SENP3: variants seen among roughly 807,000 people sequenced by gnomAD.
SENP3 encodes SUMO specific peptidase 3.
In SENP3, 11 loss-of-function variants were observed where a neutral mutation model predicts 66.2. That is an observed-to-expected ratio of 0.17 (90% CI 0.10 to 0.28). The LOEUF (loss-of-function observed/expected upper bound fraction) is 0.28. Ranked by LOEUF, SENP3 falls within the 10% of genes least tolerant of loss-of-function variation. SENP3 has a pLI of 1.00. For missense variants in SENP3, 548 were observed against 743.7 expected (o/e 0.74, Z 3.06); for synonymous variants, 292 against 277.6 (o/e 1.05, Z -0.52).
intron 3 of SENP3, 33 bp from the exon 4 acceptor site, chr17:7,564,925 AG>A (rs750590087): frequency 6.2e-7 from 1 of 1,609,370 alleles, no homozygotes; most frequent in Non-Finnish European, 8.5e-7. Flanking sequence ...GAGAGTCTGG[AG>A]GCCTCACCCC....
Position 7,570,265 on chromosome 17 carries a change from C to G in SENP3, c.1342-91C>G. The G allele has an allele frequency of 2.7e-6, 4 of 1,491,526 alleles. No individual in the cohort carries two copies. In the Middle Eastern group the frequency reaches 5.3e-4, roughly 197 times the overall value. 92.4% of individuals were successfully genotyped at this position (1,491,526 alleles called of 1,614,324 possible). A position where few individuals can be genotyped will look rare whatever the true frequency, so the allele number is the denominator to read the frequency against. On this transcript the variant is annotated intron_variant, in intron 7 of 10. Coordinates refer to ENST00000321337, the MANE Select transcript of SENP3 (RefSeq NM_015670.6). The surrounding 1 kb of genome is among the most constrained non-coding windows in gnomAD (Gnocchi z 5.4). ...GTCTTCTGTTCTTTCACTTGGTTCC[C>G]TTACCTGTGTCTCTGTTCCTCTCTA...
At chr17:7,566,803 C>G (rs534308232) in intron 6 of SENP3, 124 bp from the exon 7 acceptor site, 2 of 737,220 alleles carry the variant, frequency 2.7e-6, no homozygotes, top group Non-Finnish European at 4.6e-6. Context: ...GACCCTGTCT[C>G]TACCAAAAAA....
chr17:7,563,682 T>G lies in SENP3; in HGVS notation c.606T>G (p.Ala202=). The part of the protein sequence containing the change: ...PPPPRLGLLG[A]LMAEDGVRGS... ...CACCCCGGCTGGGTCTGCTAGGTGC[T>G]CTCATGGCTGAGGATGGGGTGAGAG... The change falls in exon 2 of 11, where the codon GCT becomes GCG. Residue 202 remains alanine, a synonymous_variant. Coordinates refer to ENST00000321337, the MANE Select transcript of SENP3 (RefSeq NM_015670.6). 6.2e-7 allele frequency: 1 copy of G among 1,612,882 alleles called. No homozygotes were observed. The highest frequency in any genetic ancestry group is 8.5e-7 in the Non-Finnish European group (1 of 1,179,732).
In SENP3 at chr17:7,571,739, A is replaced by G. The variant is rs1597843545; in HGVS notation, c.*256A>G. 3.3e-6 allele frequency: 1 copy of G among 300,794 alleles called. No individual in the cohort carries two copies. The highest frequency in any genetic ancestry group is 8.6e-5 in the East Asian group (1 of 11,682). The allele number at this position is 300,794 out of a possible 1,614,324, so 18.6% of individuals were successfully genotyped here. A position where few individuals can be genotyped will look rare whatever the true frequency, so the allele number is the denominator to read the frequency against. On this transcript the variant is annotated 3_prime_UTR_variant, in exon 11 of 11. Transcript: ENST00000321337. ...GAGTGTGGCCCTGTGGCCTGGGTGG[A>G]GCAGTCATCCTCCCCCTTCCCCGTG...
In SENP3 at chr17:7,570,863, GCTTT is replaced by G. The variant is rs770769909; in HGVS notation, c.1564-13_1564-10del. ...CTGGGAGTCTCCATGTGAAGGGCCT[GCTTT>G]CTTTCTCTTCTCTAGAATGTGGCCA... On this transcript the variant is annotated splice_polypyrimidine_tract_variant and intron_variant, in intron 9 of 10. Transcript: ENST00000321337. This position sits in a 1 kb window ranked among gnomAD's most constrained non-coding sequence, Gnocchi z 5.4. 7 of 1,611,936 alleles carry G rather than the reference GCTTT, an allele frequency of 4.3e-6. No homozygotes were observed. Among genetic ancestry groups the G allele is most frequent in the South Asian group, 3.3e-5 (3 of 90,678 alleles).
chr17:7,565,077 C>T lies in SENP3; in HGVS notation c.1067+7C>T, dbSNP rs777107965. ...AGTTTTCCACCCCTTCCAGGTGAGG[C>T]TTGAAAGCCCTCCTTGAAAGAAGGG... On this transcript the variant is annotated splice_region_variant and intron_variant, in intron 4 of 10. Coordinates refer to ENST00000321337, the MANE Select transcript of SENP3 (RefSeq NM_015670.6). The T allele has an allele frequency of 5.0e-6, 8 of 1,585,942 alleles. No homozygotes were observed. Among genetic ancestry groups the T allele is most frequent in the Non-Finnish European group, 3.5e-6 (4 of 1,155,232 alleles).
At chr17:7,571,025 A>G (rs2071309272) in intron 10 of SENP3, 92 bp downstream of exon 10, 1 of 1,141,038 alleles carries the variant, frequency 8.8e-7, no homozygotes, top group Non-Finnish European at 1.3e-6. Context: ...TTTGGCTCAT[A>G]GTCAGTTGTG....
chr17:7,570,775 T>C lies in SENP3; in HGVS notation c.1563+11T>C. The C allele has an allele frequency of 1.2e-6, 2 of 1,609,138 alleles. No homozygotes were observed. Among genetic ancestry groups the C allele is most frequent in the Non-Finnish European group, 1.7e-6 (2 of 1,177,338 alleles). ...GGTTACTTCAAAATGGTGAGTTTCC[T>C]GAGGGAGGGGTATAGGGTGTTGGTG... is the stretch of plus-strand genomic sequence containing the variant. On this transcript the variant is annotated intron_variant, in intron 9 of 10. Transcript: ENST00000321337. This position sits in a 1 kb window ranked among gnomAD's most constrained non-coding sequence, Gnocchi z 5.4.
At chr17:7,565,330 G>A in intron 4 of SENP3, 110 bp from the exon 5 acceptor site, 1 of 1,347,994 alleles carries the variant, frequency 7.4e-7, no homozygotes, top group Non-Finnish European at 1.0e-6. Flanking sequence ...GACCCATCAT[G>A]AGCCAGAAAA....
At chr17:7,567,087 A>T in intron 7 of SENP3, 83 bp downstream of exon 7, 1 of 914,026 alleles carries the variant, frequency 1.1e-6, no homozygotes, top group Non-Finnish European at 1.8e-6. Context: ...CCTTTCCCTG[A>T]CCGTGTTCAT....
At chr17:7,565,664 C>T in intron 5 of SENP3, 53 bp from the exon 6 acceptor site, 2 of 1,612,924 alleles carry the variant, frequency 1.2e-6, no homozygotes, top group Non-Finnish European at 1.7e-6. Context: ...ATGGGGGAGC[C>T]CTGTACCCAT....
chr17:7,563,072 G>A lies in SENP3; in HGVS notation c.-5G>A, dbSNP rs550878365. On this transcript the variant is annotated 5_prime_UTR_variant, in exon 2 of 11. Coordinates refer to ENST00000321337, the MANE Select transcript of SENP3 (RefSeq NM_015670.6). ...CTGATCTTTTGTTTTTCAGGGTACT[G>A]GAAGATGAAAGAGACTATACAAGGG... 8 of 1,489,244 alleles carry A rather than the reference G, an allele frequency of 5.4e-6. No homozygotes were observed. The African/African-American group carries it at 1.1e-4, about 21-fold the overall frequency. 92.3% of individuals were successfully genotyped at this position (1,489,244 alleles called of 1,614,324 possible). A position where few individuals can be genotyped will look rare whatever the true frequency, so the allele number is the denominator to read the frequency against.
In SENP3 at chr17:7,562,479, C is replaced by T. The variant is rs1356633145; in HGVS notation, c.-12+216C>T. 2.0e-5 allele frequency among the ~76,000 whole-genome samples: 3 copies of T among 152,272 alleles called. No homozygotes were observed. Among genetic ancestry groups the T allele is most frequent in the Admixed American group, 6.5e-5 (1 of 15,290 alleles). ...GGGCTGGGCCGGCCTGGCTTGTGCG[C>T]TCCGTTCTGTCCCAGCGTCTTGATT... On this transcript the variant is annotated intron_variant, in intron 1 of 10. Coordinates refer to ENST00000321337, the MANE Select transcript of SENP3 (RefSeq NM_015670.6). The surrounding 1 kb of genome is among the most constrained non-coding windows in gnomAD (Gnocchi z 5.0).
At position 7,562,827 on chromosome 17, in the gene SENP3, C is replaced by T. The variant is rs1367839774; in HGVS notation, c.-11-239C>T. 2.0e-5 allele frequency among the ~76,000 whole-genome samples: 3 copies of T among 152,174 alleles called. No individual in the cohort carries two copies. Among genetic ancestry groups the T allele is most frequent in the African/African-American group, 7.2e-5 (3 of 41,444 alleles). On this transcript the variant is annotated intron_variant, in intron 1 of 10. Transcript: ENST00000321337. The surrounding 1 kb of genome is among the most constrained non-coding windows in gnomAD (Gnocchi z 5.0). ...CCTGGTGATCTTAGAAATAAGATCT[C>T]TGAGGCCTGCTGCTTAGCCATTTTC...
chr17:7,564,399 C>T (rs1030700933), intron 2 of SENP3: 13 of 707,734 alleles, frequency 1.8e-5, no homozygotes, highest in Admixed American at 8.6e-5. Flanking sequence ...TTCTTTCTTC[C>T]TGTCTATGAG....
chr17:7,571,075 C>G, intron 10 of SENP3, 142 bp downstream of exon 10: 3 of 748,042 alleles, frequency 4.0e-6, no homozygotes, highest in Non-Finnish European at 6.5e-6. Flanking sequence ...AAAACACTGG[C>G]TTCACTGGTT....
Position 7,564,782 on chromosome 17 carries a change from C to T in SENP3, c.873C>T (p.Gly291=), listed in dbSNP as rs1462622762. ...AGCTTTTTCAGGGCTCAGATTTGGG[C>T]ATGGCAGAAGAGGCAGAGAGGCCTG... ...AQELFQGSDL[G]MAEEAERPGE... The change falls in exon 3 of 11, where the codon GGC becomes GGT. Residue 291 remains glycine (G), a synonymous_variant. Coordinates refer to ENST00000321337, the MANE Select transcript of SENP3 (RefSeq NM_015670.6). The T allele has an allele frequency of 6.2e-7, 1 of 1,613,974 alleles. No individual in the cohort carries two copies. Among genetic ancestry groups the T allele is most frequent in the South Asian group, 1.1e-5 (1 of 91,086 alleles).
rs1191878672 is a variant in SENP3 at position 7,567,062 on chromosome 17, T to C, written c.1341+58T>C. On this transcript the variant is annotated intron_variant, in intron 7 of 10. Transcript: ENST00000321337. ...GCCTTGCCTCTAAAGAATGAGAGTCTTGTTTTCTCTGAGCCCTTTCCCTGA... is the reference window on the plus strand; with the variant it reads ...GCCTTGCCTCTAAAGAATGAGAGTCCTGTTTTCTCTGAGCCCTTTCCCTGA... 3.6e-6 allele frequency: 4 copies of C among 1,126,612 alleles called. No individual in the cohort carries two copies. The African/African-American group carries it at 6.2e-5, about 17-fold the overall frequency. 69.8% of individuals were successfully genotyped at this position (1,126,612 alleles called of 1,614,324 possible). A position where few individuals can be genotyped will look rare whatever the true frequency, so the allele number is the denominator to read the frequency against.
At position 7,561,995 on chromosome 17, in the gene SENP3, TGGC is replaced by T; in HGVS notation, c.-268_-266del. The T allele has an allele frequency of 3.4e-5, 13 of 388,022 alleles. No individual in the cohort carries two copies. Among genetic ancestry groups the T allele is most frequent in the South Asian group, 1.3e-4 (1 of 7,694 alleles). The allele number at this position is 388,022 out of a possible 1,614,324, so 24.0% of individuals were successfully genotyped here. On this transcript the variant is annotated 5_prime_UTR_variant, in exon 1 of 11. Coordinates refer to ENST00000321337, the MANE Select transcript of SENP3 (RefSeq NM_015670.6). This position sits in a 1 kb window ranked among gnomAD's most constrained non-coding sequence, Gnocchi z 4.4. ...AGGGGAAGGAGGAGGGGGGGAGGAG[TGGC>T]GGCGGCGGCGGTGGCGCTGGTGGCG...
Sources: allele counts gnomAD v4.1 joint callset (sites outside exome capture counted in the v4.1 genomes callset), GRCh38; gene constraint gnomAD v4.1.1; non-coding constraint Gnocchi (gnomAD v3.1); transcripts MANE v1.5; gene names NCBI Gene and HGNC (gene_info 2026-07-23, HGNC 2026-07-21).